The following MKS1 variants were observed in gnomAD, a reference collection of about 807,000 sequenced individuals.
MKS1 encodes MKS transition zone complex subunit 1, also known as tectonic-like complex member MKS1.
A neutral mutation model predicts 83.7 loss-of-function variants in MKS1; 70 were observed. That is an observed-to-expected ratio of 0.84 (90% confidence interval 0.69 to 1.02). The LOEUF (loss-of-function observed/expected upper bound fraction) is 1.02. Among genes scored for constraint, MKS1 ranks in the 50% least tolerant of loss-of-function variants. MKS1 has a pLI of 0.00. For synonymous variants in MKS1, 251 were observed against 273.4 expected, an observed-to-expected ratio of 0.92 and a Z score of 0.81; for missense variants, 681 against 726.9, an observed-to-expected ratio of 0.94 and a Z score of 0.73.
intron 14 of MKS1, chr17:58,207,637 G>T: frequency 1.7e-6 from 1 of 582,186 alleles, no homozygotes. Context: ...AGCCAATTTT[G>T]CCATACAGCT....
In MKS1 at chr17:58,217,268, C is replaced by T. The variant is rs371435184; in HGVS notation, c.191-532G>A. On this transcript the variant is annotated intron_variant, in intron 2 of 17. Transcript: ENST00000393119. Reference sequence around the variant, plus strand: ...TCTCCCAAAGTGCTGGGATTACAGGCGTGGGCCACGGCGCTCAGCCCGCTC... The same window carrying T: ...TCTCCCAAAGTGCTGGGATTACAGGTGTGGGCCACGGCGCTCAGCCCGCTC... Among the ~76,000 whole-genome samples the T allele has an allele frequency of 2.4e-4, 37 of 152,322 alleles. 2 individuals are homozygous for T. Among genetic ancestry groups the T allele is most frequent in the Admixed American group, 1.7e-3 (26 of 15,306 alleles).
At chr17:58,208,039 C>A (rs1968635744) in intron 13 of MKS1, 38 bp from the exon 14 acceptor site, 1 of 1,610,200 alleles carries the variant, frequency 6.2e-7, no homozygotes, top group Non-Finnish European at 8.5e-7. Flanking sequence ...TCACAGGCGG[C>A]CTTCACCAAG....
intron 2 of MKS1, 138 bp downstream of exon 2, chr17:58,218,476 AAAAAGC>A: frequency 2.3e-6 from 1 of 428,082 alleles, no homozygotes; most frequent in Non-Finnish European, 4.3e-6. Context: ...AAAAAAAAAA[AAAAAGC>A]CACAAATAGA....
At position 58,205,872 on chromosome 17, in the gene MKS1, C is replaced by A; in HGVS notation, c.*207G>T. On this transcript the variant is annotated 3_prime_UTR_variant, in exon 18 of 18. Coordinates refer to ENST00000393119, the MANE Select transcript of MKS1 (RefSeq NM_017777.4). The stretch of plus-strand genomic sequence containing the variant: ...AGTGGCTGCAAATATAAAGGGGGGG[C>A]CACAGGGTCTCTGGCTTTATTTCCA... The A allele has an allele frequency of 7.0e-7, 1 of 1,435,050 alleles. No individual in the cohort carries two copies. 88.9% of individuals were successfully genotyped at this position (1,435,050 alleles called of 1,614,324 possible). A position where few individuals can be genotyped will look rare whatever the true frequency, so the allele number is the denominator to read the frequency against.
intron 11 of MKS1, among the ~76,000 whole-genome samples, chr17:58,210,399 G>A (rs1968804619): frequency 6.6e-6 from 1 of 152,186 alleles, no homozygotes; most frequent in Non-Finnish European, 1.5e-5. Context: ...GGGGCCACCA[G>A]CGAGATAGGA....
At position 58,218,718 on chromosome 17, in the gene MKS1, T is replaced by C. The variant is rs767646864; in HGVS notation, c.92A>G (p.Gln31Arg). 3 of 1,613,646 alleles carry C rather than the reference T, an allele frequency of 1.9e-6. No homozygotes were observed. Among genetic ancestry groups the C allele is most frequent in the Non-Finnish European group, 2.5e-6 (3 of 1,179,750 alleles). The change falls in exon 2 of 18, where the codon CAA (glutamine) becomes CGA (arginine). Residue 31 changes from glutamine (Q) to arginine (R), a missense_variant. By Grantham distance (43) the Gln-to-Arg change is conservative. Around this residue, in one of 3 missense-constraint regions of MKS1, gnomAD observed 365 missense variants for 383.8 expected, o/e 0.95. Transcript: ENST00000393119. ...VRNLRLRVHLQRITSSNFLHY... is the reference protein window; with the variant it reads ...VRNLRLRVHLRRITSSNFLHY... Reference sequence around the variant, plus strand: ...AAGAAAGTTGCTTGATGTGATTCTTTGCAGGTGGACTCTGTCAAGAAAAGC... The same window carrying C: ...AAGAAAGTTGCTTGATGTGATTCTTCGCAGGTGGACTCTGTCAAGAAAAGC...
chr17:58,211,210 G>A, intron 9 of MKS1, 188 bp from the exon 10 acceptor site: 1 of 618,692 alleles, frequency 1.6e-6, no homozygotes. Context: ...GATTCACAAT[G>A]TAGGGGGAAA....
chr17:58,216,174 T>C lies in MKS1; in HGVS notation c.331A>G (p.Ile111Val), dbSNP rs886044605. 6.2e-7 allele frequency: 1 copy of C among 1,614,066 alleles called. No homozygotes were observed. Among genetic ancestry groups the C allele is most frequent in the East Asian group, 2.2e-5 (1 of 44,880 alleles). Residue 111 changes from isoleucine to valine, a missense_variant, in exon 4 of 18, where the codon ATC becomes GTC. Ile to Val is a conservative substitution (Grantham distance 29). Coordinates refer to ENST00000393119, the MANE Select transcript of MKS1 (RefSeq NM_017777.4). ...CCACCCGAATTCTCCAGCTTCAGGATCTCCTGACGGTACTGATAATCCAAA... is the reference window on the plus strand; with the variant it reads ...CCACCCGAATTCTCCAGCTTCAGGACCTCCTGACGGTACTGATAATCCAAA... ...SPLDYQYRQE[I>V]LKLENSGGKK...
Position 58,218,667 on chromosome 17 carries a change from C to T in MKS1, c.143G>A (p.Gly48Glu). Reference sequence around the variant, plus strand: ...AGTGGCCAAGTCTATGAGGTCCTTCCCGAGCTCGGCAGCAGGCTGATAATG... The same window carrying T: ...AGTGGCCAAGTCTATGAGGTCCTTCTCGAGCTCGGCAGCAGGCTGATAATG... Reference protein sequence around the residue: ...FLHYQPAAELGKDLIDLATFR... With the variant: ...FLHYQPAAELEKDLIDLATFR... The change falls in exon 2 of 18, where the codon GGG (glycine) becomes GAG (glutamate). Residue 48 changes from glycine (G) to glutamate (E), a missense_variant. Transcript: ENST00000393119. The T allele has an allele frequency of 6.2e-7, 1 of 1,613,906 alleles. No individual in the cohort carries two copies. Among genetic ancestry groups the T allele is most frequent in the Non-Finnish European group, 8.5e-7 (1 of 1,179,946 alleles).
chr17:58,219,117 G>A, intron 1 of MKS1, 34 bp downstream of exon 1: 6 of 1,549,440 alleles, frequency 3.9e-6, no homozygotes, highest in Non-Finnish European at 5.2e-6. Context: ...GGACACAAAA[G>A]CATGGGGCCT....
chr17:58,219,232 A>T lies in MKS1; in HGVS notation c.-2T>A. On this transcript the variant is annotated 5_prime_UTR_variant, in exon 1 of 18. Transcript: ENST00000393119. ...AGTGCTCCAGACGGTCTCCGCCATG[A>T]CAGCTGCGACGCGCCGCGACTGCGC... 3 of 1,550,598 alleles carry T rather than the reference A, an allele frequency of 1.9e-6. No individual in the cohort carries two copies. The highest frequency in any genetic ancestry group is 2.6e-6 in the Non-Finnish European group (3 of 1,146,852).
intron 9 of MKS1, 101 bp downstream of exon 9, chr17:58,212,277 G>C: frequency 7.4e-7 from 1 of 1,347,480 alleles, no homozygotes; most frequent in Non-Finnish European, 1.1e-6. Context: ...ACACTGTAGA[G>C]TATACCTTTG....
chr17:58,212,503 GA>G, intron 8 of MKS1, 69 bp from the exon 9 acceptor site: 1 of 1,542,134 alleles, frequency 6.5e-7, no homozygotes, highest in South Asian at 1.1e-5. Context: ...TTCTGAATGG[GA>G]AGAAGAAAAG....
chr17:58,212,112 TA>T (rs377311389), intron 9 of MKS1, among the ~76,000 whole-genome samples: 180 of 152,306 alleles, frequency 1.2e-3, no homozygotes, highest in Non-Finnish European at 2.3e-3. Flanking sequence ...ACTACCCTTC[TA>T]CCACATCTAA....
Position 58,212,961 on chromosome 17 carries a change from T to C in MKS1, c.858+21A>G, listed in dbSNP as rs553379675. ...GCACTGAGGCTCATCCCTTGGATACTTGGAATGAACTTGCGCTTACATCCT... is the reference window on the plus strand; with the variant it reads ...GCACTGAGGCTCATCCCTTGGATACCTGGAATGAACTTGCGCTTACATCCT... On this transcript the variant is annotated intron_variant, in intron 8 of 17. Coordinates refer to ENST00000393119, the MANE Select transcript of MKS1 (RefSeq NM_017777.4). 2.7e-5 allele frequency: 43 copies of C among 1,607,494 alleles called. No homozygotes were observed. The highest frequency in any genetic ancestry group is 1.3e-4 in the African/African-American group (10 of 74,886).
chr17:58,217,756 T>C (rs1419222034), intron 2 of MKS1, among the ~76,000 whole-genome samples: 1 of 152,132 alleles, frequency 6.6e-6, no homozygotes, highest in African/African-American at 2.4e-5. Context: ...CAGTGAGCTA[T>C]GATCATACCA....
At chr17:58,206,876 T>C in intron 15 of MKS1, 2 of 679,894 alleles carry the variant, frequency 2.9e-6, no homozygotes, top group Non-Finnish European at 4.9e-6. Flanking sequence ...TCTCTAATTA[T>C]ACTATTTTCC....
rs1339595797 is a variant in MKS1 at position 58,219,062 on chromosome 17, A to G, written c.80+89T>C. 3 of 1,509,474 alleles carry G rather than the reference A, an allele frequency of 2.0e-6. No homozygotes were observed. In the East Asian group the frequency reaches 7.4e-5, roughly 37 times the overall value. 93.5% of individuals were successfully genotyped at this position (1,509,474 alleles called of 1,614,324 possible). A position where few individuals can be genotyped will look rare whatever the true frequency, so the allele number is the denominator to read the frequency against. On this transcript the variant is annotated intron_variant, in intron 1 of 17. Coordinates refer to ENST00000393119, the MANE Select transcript of MKS1 (RefSeq NM_017777.4). ...GAGAAGTGGTCGGGATTGTAAGCAG[A>G]AAGTGGGGACCTCAGAACACCGAGC...
At chr17:58,206,222 C>G (rs1968495569) in intron 17 of MKS1, 52 bp from the exon 18 acceptor site, 1 of 1,613,864 alleles carries the variant, frequency 6.2e-7, no homozygotes, top group African/African-American at 1.3e-5. Context: ...TTTCTCTCTG[C>G]ACTGCAGAGA....
Sources: allele counts gnomAD v4.1 joint callset (sites outside exome capture counted in the v4.1 genomes callset), GRCh38; gene constraint gnomAD v4.1.1; regional missense constraint gnomAD v4.1.1; transcripts MANE v1.5; gene names NCBI Gene and HGNC (gene_info 2026-07-23, HGNC 2026-07-21).